The following DPYSL3 variants were observed in gnomAD, a reference collection of about 807,000 sequenced individuals.
The protein encoded by DPYSL3 is dihydropyrimidinase-related protein 3.
In DPYSL3, 16 loss-of-function variants were observed where a neutral mutation model predicts 66.1. That is an observed-to-expected ratio of 0.24 (90% CI 0.16 to 0.37). DPYSL3 has a LOEUF of 0.37. Ranked by LOEUF, DPYSL3 falls within the 10% of genes least tolerant of loss-of-function variation. DPYSL3 has a pLI of 1.00. For synonymous variants in DPYSL3, 338 were observed against 345.1 expected (o/e 0.98, Z 0.23); for missense variants, 738 against 916.2 (o/e 0.81, Z 2.51).
Position 147,394,026 on chromosome 5 carries a change from A to G in DPYSL3, c.*9T>C. The G allele has an allele frequency of 6.2e-7, 1 of 1,613,846 alleles. No homozygotes were observed. The highest frequency in any genetic ancestry group is 1.1e-5 in the South Asian group (1 of 91,052). ...CTTGCTTCTGCCCCTCTCTTTGAGG[A>G]AGGCTTGCTTAACTCAGAGATGTGA... On this transcript the variant is annotated 3_prime_UTR_variant, in exon 14 of 14. Coordinates refer to ENST00000343218, the MANE Select transcript of DPYSL3 (RefSeq NM_001197294.2).
chr5:147,399,477 GCC>G (rs78932861), intron 10 of DPYSL3, among the ~76,000 whole-genome samples: 238 of 141,748 alleles, frequency 1.7e-3, no homozygotes, highest in African/African-American at 5.7e-3. Context: ...AGAAGTTACT[GCC>G]CCTGAAGTAT....
intron 1 of DPYSL3, among the ~76,000 whole-genome samples, chr5:147,507,230 C>A (rs915685006): frequency 1.3e-5 from 2 of 151,972 alleles, no homozygotes; most frequent in African/African-American, 4.8e-5. Flanking sequence ...AGTGCACATA[C>A]CTAAAAATCA....
At chr5:147,410,643 G>A (rs1039140497) in intron 6 of DPYSL3, among the ~76,000 whole-genome samples, 4 of 152,124 alleles carry the variant, frequency 2.6e-5, no homozygotes, top group African/African-American at 7.2e-5. Context: ...TTTGTTGAAC[G>A]AATGGCTAAA....
At chr5:147,410,194 T>C (rs138999830) in intron 6 of DPYSL3, among the ~76,000 whole-genome samples, 1 of 152,332 alleles carries the variant, frequency 6.6e-6, no homozygotes, top group African/African-American at 2.4e-5. Flanking sequence ...TAGGTGACAC[T>C]TGTGCTTCTG....
intron 1 of DPYSL3, among the ~76,000 whole-genome samples, chr5:147,481,293 T>C (rs572198955): frequency 6.6e-6 from 1 of 152,296 alleles, no homozygotes; most frequent in South Asian, 2.1e-4. Flanking sequence ...TGTAATAATT[T>C]AAAATCATAT....
chr5:147,434,518 C>T (rs1752380169), intron 1 of DPYSL3, among the ~76,000 whole-genome samples: 1 of 152,154 alleles, frequency 6.6e-6, no homozygotes, highest in South Asian at 2.1e-4. Context: ...CTAAATTCAA[C>T]CTAAGTCTTT....
intron 1 of DPYSL3, among the ~76,000 whole-genome samples, chr5:147,432,558 T>A (rs1170984713): frequency 6.6e-6 from 1 of 152,120 alleles, no homozygotes; most frequent in African/African-American, 2.4e-5. Context: ...TCAACAGCGT[T>A]CCAGACACAG....
chr5:147,406,320 A>T (rs1345599808), intron 7 of DPYSL3: 1 of 152,212 alleles, frequency 6.6e-6, no homozygotes, highest in Non-Finnish European at 1.5e-5. Context: ...TAACCAACCC[A>T]GTGGCATTTA....
intron 12 of DPYSL3, 119 bp downstream of exon 12, chr5:147,397,547 T>A: frequency 9.1e-7 from 1 of 1,096,162 alleles, no homozygotes; most frequent in South Asian, 1.8e-5. Flanking sequence ...GACAAGACTG[T>A]CACTGAATTT....
chr5:147,487,733 T>C (rs1018230845), intron 1 of DPYSL3, among the ~76,000 whole-genome samples: 3 of 152,228 alleles, frequency 2.0e-5, no homozygotes, highest in African/African-American at 7.2e-5. Context: ...TCTTGTTCTA[T>C]ACAGAAAAAG....
rs200381159 is a variant in DPYSL3 at position 147,395,667 on chromosome 5, G to C, written c.1858C>G (p.Leu620Val). The C allele has an allele frequency of 1.9e-6, 3 of 1,614,132 alleles. No homozygotes were observed. The highest frequency in any genetic ancestry group is 2.5e-6 in the Non-Finnish European group (3 of 1,180,044). The change falls in exon 13 of 14, where the codon CTG becomes GTG. Residue 620 changes from leucine (L) to valine (V), a missense_variant. Transcript: ENST00000343218. ...GTGCCACCTTTGGGGGTGGTGGTCA[G>C]GTCAAACACAGGCCCATCGTACATG... ...RGMYDGPVFD[L>V]TTTPKGGTPA...
intron 2 of DPYSL3, among the ~76,000 whole-genome samples, chr5:147,420,314 A>C (rs1752052636): frequency 6.6e-6 from 1 of 152,244 alleles, no homozygotes; most frequent in Non-Finnish European, 1.5e-5. Context: ...CCCATAAAAC[A>C]CTGTTAGGTA....
At chr5:147,425,245 G>A (rs1023820132) in intron 1 of DPYSL3, among the ~76,000 whole-genome samples, 2 of 152,154 alleles carry the variant, frequency 1.3e-5, no homozygotes, top group African/African-American at 2.4e-5. Flanking sequence ...AAGTAAGGGA[G>A]ACATCCTTTA....
At position 147,394,555 on chromosome 5, in the gene DPYSL3, G is replaced by A. The variant is rs1757913573; in HGVS notation, c.1967-432C>T. On this transcript the variant is annotated intron_variant, in intron 13 of 13. Transcript: ENST00000343218. ...TAGGTCACTTGCCCAAGATCCCACA[G>A]TGCAAAGCAGTGATGGTCAGGTCTT... Among the ~76,000 whole-genome samples, 5 of 152,258 alleles carry A rather than the reference G, an allele frequency of 3.3e-5. No individual in the cohort carries two copies. In the South Asian group the frequency reaches 8.3e-4, roughly 25 times the overall value.
At chr5:147,477,932 A>C (rs894975000) in intron 1 of DPYSL3, among the ~76,000 whole-genome samples, 1 of 152,184 alleles carries the variant, frequency 6.6e-6, no homozygotes, top group Admixed American at 6.5e-5. Context: ...AAAGATGTTA[A>C]AGGCAAGCAG....
chr5:147,497,883 A>G (rs1753544771), intron 1 of DPYSL3, among the ~76,000 whole-genome samples: 1 of 151,942 alleles, frequency 6.6e-6, no homozygotes, highest in African/African-American at 2.4e-5. Context: ...TTTTCTTTGT[A>G]TCCTTCCTTC....
intron 1 of DPYSL3, among the ~76,000 whole-genome samples, chr5:147,504,756 T>G (rs1264838458): frequency 6.6e-6 from 1 of 152,172 alleles, no homozygotes; most frequent in African/African-American, 2.4e-5. Flanking sequence ...AGGAAACATC[T>G]TGCACAAAAG....
chr5:147,503,301 A>G (rs898501525), intron 1 of DPYSL3, among the ~76,000 whole-genome samples: 6 of 152,144 alleles, frequency 3.9e-5, no homozygotes, highest in African/African-American at 1.4e-4. Context: ...TTTACATTTT[A>G]TGATGATCAT....
At chr5:147,450,972 T>C (rs994175096) in intron 1 of DPYSL3, among the ~76,000 whole-genome samples, 1 of 152,206 alleles carries the variant, frequency 6.6e-6, no homozygotes, top group Admixed American at 6.5e-5. Flanking sequence ...AGATCTTTAA[T>C]CATATTTGCT....
Sources: gnomAD v4.1 joint callset for allele counts (sites outside exome capture counted in the v4.1 genomes callset) on GRCh38, gnomAD v4.1.1 for gene constraint, MANE v1.5 for transcripts, NCBI Gene and HGNC (gene_info 2026-07-23, HGNC 2026-07-21) for gene names.